The following PTPRN2 variants were observed in gnomAD, a reference collection of about 807,000 sequenced individuals.
PTPRN2 encodes the protein protein tyrosine phosphatase receptor type N2.
A neutral mutation model predicts 118.8 loss-of-function variants in PTPRN2; 74 were observed. The ratio of observed to expected loss-of-function variants is 0.62; its 90% CI spans 0.52 to 0.76. PTPRN2 has a LOEUF of 0.76. Among genes scored for constraint, PTPRN2 ranks in the 30% least tolerant of loss-of-function variants. The pLI is 0.00. For missense variants in PTPRN2, 1,481 were observed against 1,394.4 expected (o/e 1.06, Z -0.99); for synonymous variants, 641 against 608.0 (o/e 1.05, Z -0.80).
At chr7:158,313,175 C>T (rs1216580482) in intron 3 of PTPRN2, among the ~76,000 whole-genome samples, 10 of 152,120 alleles carry the variant, frequency 6.6e-5, no homozygotes, top group Admixed American at 1.3e-4. Context: ...CGTGTGCCTT[C>T]GCAGCATGCC....
intron 13 of PTPRN2, among the ~76,000 whole-genome samples, chr7:157,667,464 A>C (rs1479437464): frequency 3.3e-5 from 5 of 152,242 alleles, no homozygotes; most frequent in Non-Finnish European, 7.3e-5. Flanking sequence ...ACATTTGGGC[A>C]CAGAGAAGCC....
intron 1 of PTPRN2, among the ~76,000 whole-genome samples, chr7:158,513,910 T>C (rs1322445365): frequency 6.6e-6 from 1 of 152,202 alleles, no homozygotes; most frequent in Non-Finnish European, 1.5e-5. Flanking sequence ...ATACAAGTTA[T>C]GGGTTATTCA....
At position 158,357,408 on chromosome 7, in the gene PTPRN2, C is replaced by A. The variant is rs183836813; in HGVS notation, c.164-40476G>T. 2.5e-3 allele frequency among the ~76,000 whole-genome samples: 376 copies of A among 152,342 alleles called. 11 individuals carry two copies. The highest frequency in any genetic ancestry group is 0.024 in the Admixed American group (375 of 15,308). On this transcript the variant is annotated intron_variant, in intron 2 of 22. Coordinates refer to ENST00000389418, the MANE Select transcript of PTPRN2 (RefSeq NM_002847.5). ...TTTCTGTGGAGGTGACAGGAGGTGC[C>A]TCCATCACAGACACAAATGGTGGCT...
At chr7:157,640,944 C>A (rs1050535458) in intron 14 of PTPRN2, among the ~76,000 whole-genome samples, 5 of 152,088 alleles carry the variant, frequency 3.3e-5, no homozygotes, top group African/African-American at 1.2e-4. Flanking sequence ...AAGAATTGAG[C>A]AGTAAAAGGA....
intron 12 of PTPRN2, among the ~76,000 whole-genome samples, chr7:157,697,749 G>GCATACTGGGTCTTGGCAGAGCCCTCACCA (rs1797870075): frequency 1.7e-5 from 1 of 58,162 alleles, no homozygotes; most frequent in Non-Finnish European, 3.1e-5. Flanking sequence ...AGCCCTCACC[G>GCATACTGGGTCTTGGCAGAGCCCTCACCA]TCTACCCATG....
intron 13 of PTPRN2, among the ~76,000 whole-genome samples, chr7:157,680,449 G>C (rs1294504371): frequency 6.6e-6 from 1 of 152,198 alleles, no homozygotes; most frequent in Admixed American, 6.5e-5. Context: ...GTGAGATATG[G>C]ATACGTTAAT....
rs1260243540 is a variant in PTPRN2 at position 158,267,515 on chromosome 7, C to T, written c.277+49304G>A. On this transcript the variant is annotated intron_variant, in intron 3 of 22. Transcript: ENST00000389418. ...GATAGGAATTCAGGGAGATGATGGA[C>T]GTGGGCTCCACACCCCACCTTCCAC... is the stretch of plus-strand genomic sequence containing the variant. 5.3e-5 allele frequency among the ~76,000 whole-genome samples: 8 copies of T among 152,240 alleles called. No individual in the cohort carries two copies. In the East Asian group the frequency reaches 9.7e-4, roughly 18 times the overall value.
At chr7:158,130,403 C>A (rs1242545476) in intron 9 of PTPRN2, among the ~76,000 whole-genome samples, 10 of 150,294 alleles carry the variant, frequency 6.7e-5, no homozygotes, top group Non-Finnish European at 1.5e-4. Context: ...TTCTACCCAA[C>A]ACACACACTC....
chr7:158,556,158 T>TATAGATGGGTGATTG lies in PTPRN2; in HGVS notation c.112+31385_112+31399dup, dbSNP rs1826972120. On this transcript the variant is annotated intron_variant, in intron 1 of 22. Transcript: ENST00000389418. The stretch of plus-strand genomic sequence containing the variant: ...ATGATAGATAATGATAGAGGATAGA[T>TATAGATGGGTGATTG]ATAGATGGGTGATTGATAGGTGGAT... Among the ~76,000 whole-genome samples the TATAGATGGGTGATTG allele has an allele frequency of 2.0e-5, 3 of 152,204 alleles. No homozygotes were observed. The South Asian group carries it at 6.2e-4, about 32-fold the overall frequency.
At chr7:158,221,600 A>G (rs1828374931) in intron 3 of PTPRN2, among the ~76,000 whole-genome samples, 4 of 151,998 alleles carry the variant, frequency 2.6e-5, no homozygotes. Context: ...GGTGAAAAGC[A>G]CGTCTTACAT....
intron 2 of PTPRN2, among the ~76,000 whole-genome samples, chr7:158,387,577 A>ACTCTCTGGGTCCTGGG (rs1586542379): frequency 2.4e-3 from 359 of 150,824 alleles, no homozygotes; most frequent in Middle Eastern, 3.4e-3. Context: ...CTGTCAGCTC[A>ACTCTCTGGGTCCTGGG]GCTTGGCCCG....
intron 11 of PTPRN2, among the ~76,000 whole-genome samples, chr7:157,939,934 G>T (rs1799942163): frequency 6.6e-6 from 1 of 152,244 alleles, no homozygotes; most frequent in South Asian, 2.1e-4. Context: ...GCAGGTCCAG[G>T]AAGGTATCAC....
chr7:157,736,513 G>A (rs1383992833), intron 12 of PTPRN2, among the ~76,000 whole-genome samples: 1 of 152,198 alleles, frequency 6.6e-6, no homozygotes, highest in African/African-American at 2.4e-5. Flanking sequence ...CTGTCCACAA[G>A]CCCGGGAGAG....
In PTPRN2 at chr7:158,312,238, GCA is replaced by G. The variant is rs150282409; in HGVS notation, c.277+4579_277+4580del. ...CGTGCTCACAGACACCCACACACAT[GCA>G]CACACACCTGCACACGCACTCACGT... On this transcript the variant is annotated intron_variant, in intron 3 of 22. Coordinates refer to ENST00000389418, the MANE Select transcript of PTPRN2 (RefSeq NM_002847.5). Among the ~76,000 whole-genome samples, 528 of 104,732 alleles carry G rather than the reference GCA, an allele frequency of 5.0e-3. 2 individuals carry two copies. The highest frequency in any genetic ancestry group is 9.8e-3 in the Non-Finnish European group (406 of 41,234). 68.7% of individuals were successfully genotyped at this position (104,732 alleles called of 152,430 possible).
chr7:158,120,406 C>T (rs925927224), intron 9 of PTPRN2, among the ~76,000 whole-genome samples: 2 of 152,090 alleles, frequency 1.3e-5, no homozygotes, highest in African/African-American at 4.8e-5. Context: ...AGTATAAAAG[C>T]ACCATGACGT....
At chr7:158,039,049 T>A (rs1440577275) in intron 11 of PTPRN2, among the ~76,000 whole-genome samples, 3 of 152,112 alleles carry the variant, frequency 2.0e-5, no homozygotes, top group African/African-American at 7.2e-5. Context: ...TAACACCTAA[T>A]TAAATTATAT....
chr7:157,656,690 G>A lies in PTPRN2; in HGVS notation c.2002-139C>T, dbSNP rs1374002580. 1.0e-5 allele frequency: 9 copies of A among 879,028 alleles called. No individual in the cohort carries two copies. The East Asian group carries it at 1.1e-4, about 10-fold the overall frequency. 54.5% of individuals were successfully genotyped at this position (879,028 alleles called of 1,614,324 possible). A position where few individuals can be genotyped will look rare whatever the true frequency, so the allele number is the denominator to read the frequency against. ...CAGGCAGGCGAGAGTTTACCCCAGG[G>A]CAGGCCAGCGCAACATGACGGTCAA... On this transcript the variant is annotated intron_variant, in intron 13 of 22. Coordinates refer to ENST00000389418, the MANE Select transcript of PTPRN2 (RefSeq NM_002847.5).
intron 3 of PTPRN2, among the ~76,000 whole-genome samples, chr7:158,276,211 G>A (rs531519349): frequency 1.5e-4 from 16 of 103,614 alleles, no homozygotes; most frequent in East Asian, 2.9e-4. Flanking sequence ...CCCTGGCCCC[G>A]GCAGGCTGTA....
At chr7:157,820,920 C>G (rs564534761) in intron 12 of PTPRN2, among the ~76,000 whole-genome samples, 3 of 152,206 alleles carry the variant, frequency 2.0e-5, no homozygotes, top group African/African-American at 7.2e-5. Context: ...ATGAAGGAAA[C>G]AGTAACTGCC....
Sources: allele counts gnomAD v4.1 joint callset (sites outside exome capture counted in the v4.1 genomes callset), GRCh38; gene constraint gnomAD v4.1.1; transcripts MANE v1.5; gene names NCBI Gene and HGNC (gene_info 2026-07-23, HGNC 2026-07-21).